Variants in DLX3 observed in about 807,000 individuals in gnomAD.
DLX3 encodes the protein distal-less homeobox 3, also known as homeobox protein DLX-3.
A neutral mutation model predicts 28.0 loss-of-function variants in DLX3; 9 were observed. That is an observed-to-expected ratio of 0.32 (90% CI 0.19 to 0.56). The LOEUF (loss-of-function observed/expected upper bound fraction) is 0.56, where lower values mean the gene tolerates loss of function less well. Among genes scored for constraint, DLX3 ranks in the 20% least tolerant of loss-of-function variants. The pLI is 0.91. For synonymous variants in DLX3, 154 were observed against 167.9 expected, an observed-to-expected ratio of 0.92 and a Z score of 0.64; for missense variants, 313 against 378.2, an observed-to-expected ratio of 0.83 and a Z score of 1.43.
chr17:49,994,630 C>A lies in DLX3; in HGVS notation c.325+44G>T, dbSNP rs138235411. On this transcript the variant is annotated intron_variant, in intron 1 of 2. Coordinates refer to ENST00000434704, the MANE Select transcript of DLX3 (RefSeq NM_005220.3). ...TCCATGCCTTTTCCTCCCTCGGGAA[C>A]CTTCCAGTGTCTCCCACTGTCCTCG... The A allele has an allele frequency of 2.7e-4, 441 of 1,608,242 alleles. 2 individuals are homozygous for A. In the Middle Eastern group the frequency reaches 0.012, roughly 43 times the overall value.
intron 2 of DLX3, 30 bp downstream of exon 2, chr17:49,993,370 C>A: frequency 6.4e-7 from 1 of 1,568,850 alleles, no homozygotes; most frequent in South Asian, 1.1e-5. Context: ...TCCCGCGCGC[C>A]CCCGCGGCCC....
At chr17:49,993,634 G>C in intron 1 of DLX3, 44 bp from the exon 2 acceptor site, 2 of 1,599,872 alleles carry the variant, frequency 1.3e-6, no homozygotes, top group South Asian at 1.1e-5. Flanking sequence ...GTTCAGCCTC[G>C]GCCTGCGACT....
At chr17:49,992,310 C>T (rs1248383565) in intron 2 of DLX3, among the ~76,000 whole-genome samples, 1 of 152,166 alleles carries the variant, frequency 6.6e-6, no homozygotes, top group East Asian at 1.9e-4. Context: ...ATTAGACACC[C>T]ATAAGCAGAG....
chr17:49,993,448 C>G lies in DLX3; in HGVS notation c.468G>C (p.Leu156=). The change falls in exon 2 of 3, where the codon CTG becomes CTC. Residue 156 remains leucine, a synonymous_variant. Transcript: ENST00000434704. ...RRFQKAQYLA[L]PERAELAAQL... ...GCGCGGCCAGCTCGGCGCGCTCGGG[C>G]AGCGCCAGGTACTGGGCCTTCTGGA... 1 of 1,610,908 alleles carries G rather than the reference C, an allele frequency of 6.2e-7. No homozygotes were observed. The highest frequency in any genetic ancestry group is 8.5e-7 in the Non-Finnish European group (1 of 1,179,144).
intron 2 of DLX3, among the ~76,000 whole-genome samples, chr17:49,993,077 CACAG>C (rs572507808): frequency 1.8e-3 from 273 of 152,292 alleles, no homozygotes; most frequent in Non-Finnish European, 2.4e-3. Flanking sequence ...TATACATGCA[CACAG>C]ACAGTCTGCA....
At chr17:49,994,071 T>C (rs1284931446) in intron 1 of DLX3, among the ~76,000 whole-genome samples, 1 of 151,880 alleles carries the variant, frequency 6.6e-6, no homozygotes, top group East Asian at 1.9e-4. Context: ...CTTTCTTTCT[T>C]TCCCTGTCCC....
rs1390050782 is a variant in DLX3, at chr17:49,990,080, G to A, written c.*1437C>T. On this transcript the variant is annotated 3_prime_UTR_variant, in exon 3 of 3. Coordinates refer to ENST00000434704, the MANE Select transcript of DLX3 (RefSeq NM_005220.3). ...AAAGCAGAAATGAGAAGGCTGGGAG[G>A]GGGTGGGAGATGGCTTTGCTTCTTC... is the stretch of plus-strand genomic sequence containing the variant. 2.0e-5 allele frequency: 3 copies of A among 152,428 alleles called. No homozygotes were observed. Among genetic ancestry groups the A allele is most frequent in the Non-Finnish European group, 4.4e-5 (3 of 68,000 alleles). The allele number at this position is 152,428 out of a possible 1,614,324, so 9.4% of individuals were successfully genotyped here.
chr17:49,991,966 A>T, intron 2 of DLX3, 102 bp from the exon 3 acceptor site: 1 of 1,209,784 alleles, frequency 8.3e-7, no homozygotes, highest in South Asian at 1.3e-5. Context: ...ACCCAATTTC[A>T]CATAAGAATC....
Position 49,994,765 on chromosome 17 carries a change from GC to G in DLX3, c.233del (p.Gly78AlafsTer34). On this transcript the variant is annotated frameshift_variant, in exon 1 of 3. Coordinates refer to ENST00000434704, the MANE Select transcript of DLX3 (RefSeq NM_005220.3). LOFTEE classifies it high-confidence loss of function. The stretch of plus-strand genomic sequence containing the variant: ...TATATTCCGACTTGGGCGAGTAAGC[GC>G]CCGTGCCTGCAAGCCCATTGAGATT... ...QFNLNGLAGT[G>X]AYSPKSEYTY... The G allele has an allele frequency of 1.2e-6, 2 of 1,614,220 alleles. No individual in the cohort carries two copies. Among genetic ancestry groups the G allele is most frequent in the Non-Finnish European group, 1.7e-6 (2 of 1,180,036 alleles).
chr17:49,994,374 C>T (rs1308106741), intron 1 of DLX3, among the ~76,000 whole-genome samples: 3 of 152,062 alleles, frequency 2.0e-5, no homozygotes, highest in Non-Finnish European at 2.9e-5. Flanking sequence ...CTGAAATGCC[C>T]ACGAAATCAC....
chr17:49,991,414 T>G lies in DLX3; in HGVS notation c.*103A>C. The G allele has an allele frequency of 9.5e-7, 1 of 1,051,810 alleles. No homozygotes were observed. Among genetic ancestry groups the G allele is most frequent in the East Asian group, 2.6e-5 (1 of 38,328 alleles). The allele number at this position is 1,051,810 out of a possible 1,614,324, so 65.2% of individuals were successfully genotyped here. On this transcript the variant is annotated 3_prime_UTR_variant, in exon 3 of 3. Coordinates refer to ENST00000434704, the MANE Select transcript of DLX3 (RefSeq NM_005220.3). Reference sequence around the variant, plus strand: ...AGGGGCAAGGGAGGGGGAAAGGGAGTTCCTTTTCCCTGTGCTCCTCGATGA... The same window carrying G: ...AGGGGCAAGGGAGGGGGAAAGGGAGGTCCTTTTCCCTGTGCTCCTCGATGA...
rs780848971 is a variant in DLX3, at chr17:49,991,818, T to A, written c.563A>T (p.Tyr188Phe). The change falls in exon 3 of 3, where the codon TAC (tyrosine) becomes TTC (phenylalanine). Residue 188 changes from tyrosine (Y) to phenylalanine (F), a missense_variant. Physicochemically the swap from Tyr to Phe is conservative, Grantham distance 22. Coordinates refer to ENST00000434704, the MANE Select transcript of DLX3 (RefSeq NM_005220.3). ...CTCCAGCGGCACCTCCCCGTTCTTG[T>A]AGAGTTTCTTGAACTTGGAACGGCG... ...QNRRSKFKKL[Y>F]KNGEVPLEHS... 6.2e-7 allele frequency: 1 copy of A among 1,614,112 alleles called. No homozygotes were observed. The highest frequency in any genetic ancestry group is 1.1e-5 in the South Asian group (1 of 91,078).
intron 2 of DLX3, among the ~76,000 whole-genome samples, chr17:49,992,641 C>T (rs1157697084): frequency 6.6e-6 from 1 of 152,106 alleles, no homozygotes; most frequent in East Asian, 1.9e-4. Context: ...TGAATCAGCT[C>T]CTCACCAGGT....
rs1906174896 is a variant in DLX3 at position 49,993,580 on chromosome 17, C to T, written c.336G>A (p.Lys112=). The T allele has an allele frequency of 1.2e-6, 2 of 1,613,524 alleles. No homozygotes were observed. Among genetic ancestry groups the T allele is most frequent in the Non-Finnish European group, 1.7e-6 (2 of 1,179,672 alleles). The part of the protein sequence containing the change: ...PLPAQDPVSV[K]EEPEAEVRMV... ...TGCGCACCTCTGCTTCCGGCTCCTCCTTCACCGACACTGCGGGGAACGCAC... is the reference window on the plus strand; with the variant it reads ...TGCGCACCTCTGCTTCCGGCTCCTCTTTCACCGACACTGCGGGGAACGCAC... Residue 112 remains lysine (K), a synonymous_variant, in exon 2 of 3, where the codon AAG becomes AAA. Transcript: ENST00000434704.
In DLX3 at chr17:49,994,859, T is replaced by C. The variant is rs773002632; in HGVS notation, c.140A>G (p.Gln47Arg). Reference protein sequence around the residue: ...VTDLGYYSAPQHDYYSGQPYG... With the variant: ...VTDLGYYSAPRHDYYSGQPYG... Reference sequence around the variant, plus strand: ...GGGCTGGCCCGAGTAGTAATCGTGCTGGGGAGCGCTGTAGTAGCCCAGGTC... The same window carrying C: ...GGGCTGGCCCGAGTAGTAATCGTGCCGGGGAGCGCTGTAGTAGCCCAGGTC... The change falls in exon 1 of 3, where the codon CAG becomes CGG. Residue 47 changes from glutamine to arginine, a missense_variant. By Grantham distance (43) the Gln-to-Arg change is conservative (BLOSUM62 1). This residue lies in a region of DLX3 where 183 missense variants were observed against 197.7 expected (regional missense o/e 0.93). Transcript: ENST00000434704. The C allele has an allele frequency of 9.2e-5, 149 of 1,614,080 alleles. No individual in the cohort carries two copies. Among genetic ancestry groups the C allele is most frequent in the Non-Finnish European group, 1.2e-4 (142 of 1,180,054 alleles).
Position 49,991,691 on chromosome 17 carries a change from C to T in DLX3, c.690G>A (p.Gln230=), listed in dbSNP as rs781679377. ...CACTGTATGGGAGCGGCGGGGGCAG[C>T]TGACTGCGGGCAGGGGCCGGAGTGG... ...SHSTPAPARS[Q]LPPPLPYSAS... The change falls in exon 3 of 3, where the codon CAG becomes CAA. Residue 230 remains glutamine, a synonymous_variant. Coordinates refer to ENST00000434704, the MANE Select transcript of DLX3 (RefSeq NM_005220.3). 3.1e-6 allele frequency: 5 copies of T among 1,612,776 alleles called. No homozygotes were observed. The South Asian group carries it at 3.3e-5, about 11-fold the overall frequency.
At chr17:49,991,951 C>G (rs954380303) in intron 2 of DLX3, 87 bp from the exon 3 acceptor site, 9 of 1,331,250 alleles carry the variant, frequency 6.8e-6, no homozygotes, top group Non-Finnish European at 9.5e-6. Context: ...AAAAGAAAGG[C>G]CAGAACCCAA....
intron 1 of DLX3, 98 bp from the exon 2 acceptor site, chr17:49,993,688 C>G: frequency 5.0e-6 from 7 of 1,387,084 alleles, no homozygotes; most frequent in Non-Finnish European, 6.8e-6. Flanking sequence ...TCGCTTCCGC[C>G]CACCGACTCG....
intron 2 of DLX3, 27 bp from the exon 3 acceptor site, chr17:49,991,891 A>C (rs1353951132): frequency 6.2e-7 from 1 of 1,605,718 alleles, no homozygotes; most frequent in East Asian, 2.2e-5. Context: ...AGGGGTAGCT[A>C]GTTAGCCTCT....
Sources: allele counts gnomAD v4.1 joint callset (sites outside exome capture counted in the v4.1 genomes callset), GRCh38; gene constraint gnomAD v4.1.1; regional missense constraint gnomAD v4.1.1; transcripts MANE v1.5; gene names NCBI Gene and HGNC (gene_info 2026-07-23, HGNC 2026-07-21).